Variants in UPRT observed in about 807,000 individuals in gnomAD.
UPRT encodes the protein uracil phosphoribosyltransferase homolog, also known as RP11-311P8.3.
Under a neutral mutation model 22.6 loss-of-function variants are expected in UPRT, and 5 were observed. The ratio of observed to expected loss-of-function variants is 0.22; its 90% CI spans 0.12 to 0.47. The LOEUF (loss-of-function observed/expected upper bound fraction) is 0.47, where lower values mean the gene tolerates loss of function less well. Ranked by LOEUF, UPRT falls within the 20% of genes least tolerant of loss-of-function variation. UPRT has a pLI of 0.99. For synonymous variants in UPRT, 77 were observed against 87.7 expected (o/e 0.88, Z 0.68); for missense variants, 181 against 239.9 (o/e 0.75, Z 1.62).
At chrX:75,177,335 C>G (rs1286472492) in intron 4 of UPRT, among the ~76,000 whole-genome samples, 5 of 111,793 alleles carry the variant, frequency 4.5e-5, no homozygotes, top group Non-Finnish European at 7.5e-5. Context: ...GCTAGTTTTC[C>G]TCCCAGACCA....
intron 6 of UPRT, among the ~76,000 whole-genome samples, 180 bp from the exon 7 acceptor site, chrX:75,303,225 T>A (rs1026853596): frequency 2.7e-5 from 3 of 112,107 alleles, no homozygotes; most frequent in Non-Finnish European, 3.8e-5. Context: ...ATCTGACTAC[T>A]GTCAAAGCTT....
intron 4 of UPRT, among the ~76,000 whole-genome samples, chrX:75,236,435 T>A (rs995411042): frequency 9.0e-6 from 1 of 111,337 alleles, no homozygotes; most frequent in African/African-American, 3.3e-5. Context: ...CTTCACAGAA[T>A]TGGAAAAAAC....
At chrX:75,261,597 A>G (rs1284965354) in intron 4 of UPRT, among the ~76,000 whole-genome samples, 2 of 111,981 alleles carry the variant, frequency 1.8e-5, no homozygotes, top group African/African-American at 3.2e-5. Flanking sequence ...AGAGGTACAA[A>G]GAGGAGCTGG....
At chrX:75,254,370 T>C (rs2082542154) in intron 4 of UPRT, among the ~76,000 whole-genome samples, 1 of 111,973 alleles carries the variant, frequency 8.9e-6, no homozygotes, top group Non-Finnish European at 1.9e-5. Flanking sequence ...AACACACTTA[T>C]AGAAATGCAA....
At chrX:75,247,694 A>T (rs1274937095) in intron 4 of UPRT, among the ~76,000 whole-genome samples, 1 of 112,615 alleles carries the variant, frequency 8.9e-6, no homozygotes, top group Non-Finnish European at 1.9e-5. Flanking sequence ...GCAGACTTAA[A>T]TGTCCCTGTC....
chrX:75,252,049 A>C (rs1420781628), intron 4 of UPRT, among the ~76,000 whole-genome samples: 1 of 112,437 alleles, frequency 8.9e-6, no homozygotes, highest in Non-Finnish European at 1.9e-5. Flanking sequence ...TACACCTTAT[A>C]CAAAAATTAA....
chrX:75,184,892 G>T (rs2082284305), intron 4 of UPRT, among the ~76,000 whole-genome samples: 1 of 111,686 alleles, frequency 9.0e-6, no homozygotes, highest in African/African-American at 3.3e-5. Flanking sequence ...CTTTGCTGAA[G>T]TTGCTTATCA....
intron 1 of UPRT, among the ~76,000 whole-genome samples, chrX:75,291,998 C>T (rs780431687): frequency 9.0e-6 from 1 of 111,521 alleles, no homozygotes; most frequent in East Asian, 2.8e-4. Flanking sequence ...ACTCTGATTA[C>T]TTAACCTAAT....
At chrX:75,172,572 C>T (rs1342397189) in intron 4 of UPRT, among the ~76,000 whole-genome samples, 1 of 112,083 alleles carries the variant, frequency 8.9e-6, no homozygotes, top group East Asian at 2.8e-4. Context: ...GTCTCACTGA[C>T]TTCAAGAATG....
chrX:75,262,249 C>A (rs1602479981), intron 4 of UPRT, among the ~76,000 whole-genome samples: 1 of 111,584 alleles, frequency 9.0e-6, no homozygotes. Flanking sequence ...GATTTTGTCA[C>A]CACCAGACTT....
chrX:75,221,000 G>A (rs2147635438), intron 4 of UPRT, among the ~76,000 whole-genome samples: 1 of 111,755 alleles, frequency 8.9e-6, no homozygotes, highest in East Asian at 2.8e-4. Context: ...TATAGGACAG[G>A]TCTGGTGTTG....
chrX:75,221,810 G>T (rs1192617208), intron 4 of UPRT, among the ~76,000 whole-genome samples: 1 of 111,782 alleles, frequency 8.9e-6, no homozygotes, highest in Non-Finnish European at 1.9e-5. Context: ...CTCTGGGATT[G>T]ATGCCTGTTA....
intron 4 of UPRT, among the ~76,000 whole-genome samples, chrX:75,189,160 C>T (rs1414720192): frequency 8.9e-6 from 1 of 112,039 alleles, no homozygotes; most frequent in Non-Finnish European, 1.9e-5. Flanking sequence ...TAAATGTGTT[C>T]CAGAGATTCT....
At chrX:75,235,564 C>A (rs993592897) in intron 4 of UPRT, among the ~76,000 whole-genome samples, 2 of 111,743 alleles carry the variant, frequency 1.8e-5, no homozygotes, top group African/African-American at 3.3e-5. Flanking sequence ...TACTGGCAAA[C>A]CGAATCCAGC....
intron 4 of UPRT, among the ~76,000 whole-genome samples, chrX:75,191,137 G>A (rs945517955): frequency 9.9e-5 from 11 of 111,651 alleles, no homozygotes; most frequent in African/African-American, 3.6e-4. Flanking sequence ...TGATGATGGC[G>A]ACGTACAGAT....
intron 4 of UPRT, among the ~76,000 whole-genome samples, chrX:75,205,607 A>G (rs750945094): frequency 1.8e-5 from 2 of 110,955 alleles, no homozygotes; most frequent in African/African-American, 6.6e-5. Context: ...TGGAAGGGAC[A>G]TTAGCTTTTG....
intron 4 of UPRT, among the ~76,000 whole-genome samples, chrX:75,170,178 A>G (rs1267821751): frequency 9.1e-6 from 1 of 109,641 alleles, no homozygotes; most frequent in Non-Finnish European, 1.9e-5. Context: ...CTGGGACTAT[A>G]GGTGCACGCC....
At chrX:75,239,363 A>G (rs1166088171) in intron 4 of UPRT, among the ~76,000 whole-genome samples, 1 of 111,321 alleles carries the variant, frequency 9.0e-6, no homozygotes, top group Non-Finnish European at 1.9e-5. Flanking sequence ...CTAGAGAAGG[A>G]TACATTCCTT....
chrX:75,270,435 A>C (rs907687637), upstream of UPRT, among the ~76,000 whole-genome samples: 1 of 111,772 alleles, frequency 8.9e-6, no homozygotes, highest in Non-Finnish European at 1.9e-5. Context: ...AAATCATTCT[A>C]CTATAAAGAC....
Sources: allele counts gnomAD v4.1 joint callset (sites outside exome capture counted in the v4.1 genomes callset), GRCh38; gene constraint gnomAD v4.1.1; transcripts MANE v1.5; gene names NCBI Gene and HGNC (gene_info 2026-07-23, HGNC 2026-07-21).